DLG2: variants seen among roughly 807,000 people sequenced by gnomAD.
DLG2 encodes the protein disks large homolog 2.
A neutral mutation model predicts 132.5 loss-of-function variants in DLG2; 45 were observed. That is an observed-to-expected ratio of 0.34 (90% CI 0.27 to 0.44). DLG2 has a LOEUF of 0.44. Ranked by LOEUF, DLG2 falls within the 20% of genes least tolerant of loss-of-function variation. The pLI is 1.00. For synonymous variants in DLG2, 424 were observed against 419.6 expected (o/e 1.01, Z -0.13); for missense variants, 1,045 against 1,196.9 (o/e 0.87, Z 1.87).
chr11:84,458,027 T>C (rs948126200), intron 7 of DLG2, among the ~76,000 whole-genome samples: 2 of 150,886 alleles, frequency 1.3e-5, no homozygotes, highest in Non-Finnish European at 3.0e-5. Flanking sequence ...AGTAAATTGG[T>C]ATATTGCTTT....
chr11:84,948,067 A>C (rs565573796), intron 6 of DLG2, among the ~76,000 whole-genome samples: 1 of 152,320 alleles, frequency 6.6e-6, no homozygotes, highest in Admixed American at 6.5e-5. Context: ...AGTTTTTCTG[A>C]TGGAATTTCT....
At chr11:85,065,405 T>G (rs1305441225) in intron 6 of DLG2, among the ~76,000 whole-genome samples, 1 of 151,488 alleles carries the variant, frequency 6.6e-6, no homozygotes, top group Non-Finnish European at 1.5e-5. Flanking sequence ...CCCACAGGCA[T>G]GGTAAGAGTC....
intron 6 of DLG2, among the ~76,000 whole-genome samples, chr11:84,626,397 A>G (rs951200404): frequency 5.3e-5 from 8 of 152,244 alleles, no homozygotes; most frequent in Non-Finnish European, 7.4e-5. Context: ...GGAAGTGGGA[A>G]GGTCTATGTA....
At chr11:85,446,283 C>A (rs1450469573) in intron 3 of DLG2, among the ~76,000 whole-genome samples, 2 of 152,090 alleles carry the variant, frequency 1.3e-5, no homozygotes, top group Admixed American at 6.5e-5. Flanking sequence ...GTTGAAAGAT[C>A]AAATCTAGAA....
intron 6 of DLG2, among the ~76,000 whole-genome samples, chr11:84,820,729 CTT>C (rs137917172): frequency 6.8e-6 from 1 of 147,780 alleles, no homozygotes; most frequent in Admixed American, 6.8e-5. Context: ...AGTGAAATAC[CTT>C]TTTTTTTTTG....
intron 4 of DLG2, among the ~76,000 whole-genome samples, chr11:85,197,778 C>G (rs1219993423): frequency 6.6e-6 from 1 of 152,108 alleles, no homozygotes; most frequent in East Asian, 1.9e-4. Context: ...AGGCCTCATA[C>G]CATTGTATAA....
intron 6 of DLG2, among the ~76,000 whole-genome samples, chr11:84,820,588 T>C (rs2077559941): frequency 6.6e-6 from 1 of 151,928 alleles, no homozygotes; most frequent in African/African-American, 2.4e-5. Flanking sequence ...ACTCCAGCCA[T>C]ATAGTCTTCC....
chr11:84,981,609 G>C (rs753912706), intron 6 of DLG2, among the ~76,000 whole-genome samples: 2 of 151,942 alleles, frequency 1.3e-5, no homozygotes, highest in Non-Finnish European at 2.9e-5. Flanking sequence ...TCCTAAAGTC[G>C]AGAAATACTT....
intron 4 of DLG2, among the ~76,000 whole-genome samples, chr11:85,160,358 T>C (rs117634157): frequency 0.01 from 1,551 of 152,324 alleles, 13 homozygotes; most frequent in Non-Finnish European, 0.017. Flanking sequence ...GGGATGCTGT[T>C]TGGAGCCTTC....
chr11:84,319,388 A>G (rs544698783), intron 7 of DLG2, among the ~76,000 whole-genome samples: 44 of 152,306 alleles, frequency 2.9e-4, no homozygotes, highest in African/African-American at 8.9e-4. Context: ...TCGGAAAGTG[A>G]TAAGTTTGGC....
intron 6 of DLG2, among the ~76,000 whole-genome samples, chr11:84,663,249 A>ATT (rs200108753): frequency 2.1e-4 from 21 of 102,278 alleles, no homozygotes; most frequent in South Asian, 8.3e-4. Flanking sequence ...ATATATATAT[A>ATT]TTTTTTTTTC....
intron 7 of DLG2, among the ~76,000 whole-genome samples, chr11:84,453,537 A>C (rs770604855): frequency 6.6e-6 from 1 of 151,656 alleles, no homozygotes; most frequent in Admixed American, 6.6e-5. Context: ...GGTTCCAACA[A>C]GTATTTCAGG....
chr11:84,696,778 A>G (rs1173627121), intron 6 of DLG2, among the ~76,000 whole-genome samples: 1 of 151,538 alleles, frequency 6.6e-6, no homozygotes, highest in Non-Finnish European at 1.5e-5. Flanking sequence ...GGAAGAAGTG[A>G]GAAAGAATGT....
At chr11:84,535,853 A>T (rs1026971745) in intron 6 of DLG2, among the ~76,000 whole-genome samples, 1 of 152,004 alleles carries the variant, frequency 6.6e-6, no homozygotes, top group Non-Finnish European at 1.5e-5. Context: ...GGGAACAGGG[A>T]TCTAAACATT....
intron 6 of DLG2, among the ~76,000 whole-genome samples, chr11:85,008,771 C>G (rs1235025033): frequency 6.6e-6 from 1 of 151,870 alleles, no homozygotes; most frequent in African/African-American, 2.4e-5. Flanking sequence ...AACTTATATT[C>G]CAGTGGAATG....
At position 83,587,688 on chromosome 11, in the gene DLG2, T is replaced by C. The variant is rs184350292; in HGVS notation, c.1940+45523A>G. 9.0e-4 allele frequency among the ~76,000 whole-genome samples: 137 copies of C among 152,284 alleles called. 1 individual carries two copies. The South Asian group carries it at 9.1e-3, about 10-fold the overall frequency. ...CCGGTCTACAGCTCCCAGCGTGAGC[T>C]ACGCAGAAGACGGGTGATTTCTGCA... On this transcript the variant is annotated intron_variant, in intron 19 of 27. Coordinates refer to ENST00000376104, the MANE Select transcript of DLG2 (RefSeq NM_001142699.3).
intron 6 of DLG2, among the ~76,000 whole-genome samples, chr11:84,624,805 AAAT>A (rs1307137453): frequency 6.7e-6 from 1 of 148,886 alleles, no homozygotes; most frequent in Non-Finnish European, 1.5e-5. Context: ...TAAAATTATC[AAAT>A]AATACAGTTG....
At chr11:84,682,437 C>G (rs1352468690) in intron 6 of DLG2, among the ~76,000 whole-genome samples, 1 of 152,188 alleles carries the variant, frequency 6.6e-6, no homozygotes, top group African/African-American at 2.4e-5. Flanking sequence ...TTTTGGTTCT[C>G]TCTCAACACA....
At chr11:85,573,453 T>C (rs995057604) in intron 3 of DLG2, among the ~76,000 whole-genome samples, 8 of 152,194 alleles carry the variant, frequency 5.3e-5, no homozygotes, top group Non-Finnish European at 8.8e-5. Context: ...TCATGGTGAC[T>C]ATAGTAGAAT....
Sources: allele counts gnomAD v4.1 joint callset (sites outside exome capture counted in the v4.1 genomes callset), GRCh38; gene constraint gnomAD v4.1.1; transcripts MANE v1.5; gene names NCBI Gene and HGNC (gene_info 2026-07-23, HGNC 2026-07-21).